The following RTF1 variants were observed in gnomAD, a reference collection of about 807,000 sequenced individuals.
RTF1 encodes the protein RNA polymerase-associated protein RTF1 homolog.
Under a neutral mutation model 95.7 loss-of-function variants are expected in RTF1, and 10 were observed. The observed-to-expected ratio is 0.10, with a 90% confidence interval of 0.06 to 0.18. RTF1 has a LOEUF of 0.18. Among genes scored for constraint, RTF1 ranks in the 10% least tolerant of loss-of-function variants. The probability of loss-of-function intolerance (pLI) is 1.00; values close to 1 mark genes in which losing one functional copy is unlikely to be tolerated. For missense variants in RTF1, 458 were observed against 875.6 expected, an observed-to-expected ratio of 0.52 and a Z score of 6.02; for synonymous variants, 305 against 311.8, an observed-to-expected ratio of 0.98 and a Z score of 0.23.
intron 8 of RTF1, among the ~76,000 whole-genome samples, chr15:41,473,976 G>T (rs960158468): frequency 1.3e-5 from 2 of 152,022 alleles, no homozygotes; most frequent in Non-Finnish European, 2.9e-5. Context: ...GGCAGAGGTT[G>T]CAGTGAGCCA....
At chr15:41,421,484 T>C (rs2050600651) in intron 1 of RTF1, among the ~76,000 whole-genome samples, 1 of 151,014 alleles carries the variant, frequency 6.6e-6, no homozygotes, top group Admixed American at 6.6e-5. Context: ...AATTTAAAAA[T>C]TAGCTGGGCA....
Position 41,440,490 on chromosome 15 carries a change from C to CTT in RTF1, c.309+2076_309+2077dup, listed in dbSNP as rs1271679997. On this transcript the variant is annotated intron_variant, in intron 2 of 17. Transcript: ENST00000389629. ...AGGCGTGAGCCACCGCGCCTGGCCT[C>CTT]TTTTTTTTTTTTTTTTTTGAGACAG... 2.2e-3 allele frequency among the ~76,000 whole-genome samples: 256 copies of CTT among 117,918 alleles called. 1 individual carries two copies. Among genetic ancestry groups the CTT allele is most frequent in the African/African-American group, 2.6e-3 (83 of 31,690 alleles). The allele number at this position is 117,918 out of a possible 152,430, so 77.4% of individuals were successfully genotyped here.
At chr15:41,464,739 T>G (rs1388380497) in intron 4 of RTF1, 32 bp from the exon 5 acceptor site, 1 of 1,493,072 alleles carries the variant, frequency 6.7e-7, no homozygotes, top group South Asian at 1.2e-5. Context: ...TACATTTCAT[T>G]GCTACTTAAA....
intron 16 of RTF1, 37 bp downstream of exon 16, chr15:41,479,235 G>A (rs1458124503): frequency 3.5e-6 from 5 of 1,425,006 alleles, no homozygotes; most frequent in Non-Finnish European, 4.9e-6. Context: ...GCTGAGTGAG[G>A]CTGCTGGCTG....
At chr15:41,460,862 T>C (rs2050844252) in intron 4 of RTF1, among the ~76,000 whole-genome samples, 1 of 151,040 alleles carries the variant, frequency 6.6e-6, no homozygotes, top group Non-Finnish European at 1.5e-5. Context: ...GCCTGGCTAA[T>C]ATTTTTTCTT....
rs374228375 is a variant in RTF1 at position 41,417,682 on chromosome 15, G to A, written c.198+369G>A. Reference sequence around the variant, plus strand: ...TAGGAAGTATCGCCCGCCAACCTGGGAGGCTGGGAGGTTTTGGAGGAGGTG... The same window carrying A: ...TAGGAAGTATCGCCCGCCAACCTGGAAGGCTGGGAGGTTTTGGAGGAGGTG... On this transcript the variant is annotated intron_variant, in intron 1 of 17. Transcript: ENST00000389629. Among the ~76,000 whole-genome samples the A allele has an allele frequency of 2.3e-4, 35 of 152,368 alleles. 1 individual carries two copies. In the East Asian group the frequency reaches 2.3e-3, roughly 10 times the overall value.
intron 3 of RTF1, among the ~76,000 whole-genome samples, chr15:41,455,778 A>G (rs74401393): frequency 7.0e-4 from 100 of 142,522 alleles, no homozygotes; most frequent in Middle Eastern, 3.5e-3. Context: ...CTCTGTCTCC[A>G]AAAAAAAAAA....
rs1566851890 is a variant in RTF1, at chr15:41,481,472, A to T, written c.*785A>T. ...ACAGGCCTGACTGCTGTAGCTGTGTAACTTCCCCATTCCCACCTACTCTTC... is the reference window on the plus strand; with the variant it reads ...ACAGGCCTGACTGCTGTAGCTGTGTTACTTCCCCATTCCCACCTACTCTTC... On this transcript the variant is annotated 3_prime_UTR_variant, in exon 18 of 18. Coordinates refer to ENST00000389629, the MANE Select transcript of RTF1 (RefSeq NM_015138.5). 6.6e-6 allele frequency: 1 copy of T among 152,586 alleles called. No individual in the cohort carries two copies. The highest frequency in any genetic ancestry group is 2.4e-5 in the African/African-American group (1 of 41,420). The allele number at this position is 152,586 out of a possible 1,614,324, so 9.5% of individuals were successfully genotyped here.
At chr15:41,433,937 C>G (rs2050688777) in intron 1 of RTF1, among the ~76,000 whole-genome samples, 2 of 151,250 alleles carry the variant, frequency 1.3e-5, no homozygotes, top group South Asian at 4.2e-4. Flanking sequence ...CCTCTGCCTC[C>G]CAGGTTCAAG....
At chr15:41,460,117 TTTTG>T (rs1306937670) in intron 4 of RTF1, among the ~76,000 whole-genome samples, 31,600 of 111,510 alleles carry the variant, frequency 0.28, 3,572 homozygotes, top group African/African-American at 0.33. Context: ...TTGTTTTTGT[TTTTG>T]TTTTTTTTTT....
rs1002289030 is a variant in RTF1, at chr15:41,438,549, T to G, written c.309+118T>G. 4 of 605,126 alleles carry G rather than the reference T, an allele frequency of 6.6e-6. No homozygotes were observed. In the African/African-American group the frequency reaches 7.4e-5, roughly 11 times the overall value. The allele number at this position is 605,126 out of a possible 1,614,324, so 37.5% of individuals were successfully genotyped here. ...ACTTACAGCCTAAGATCTACAAGAA[T>G]TTATTGGGGAAAGAAAATGGTGTAA... is the stretch of plus-strand genomic sequence containing the variant. On this transcript the variant is annotated intron_variant, in intron 2 of 17. Coordinates refer to ENST00000389629, the MANE Select transcript of RTF1 (RefSeq NM_015138.5).
At chr15:41,480,026 G>A (rs956708848) in intron 16 of RTF1, among the ~76,000 whole-genome samples, 188 bp from the exon 17 acceptor site, 3 of 152,090 alleles carry the variant, frequency 2.0e-5, no homozygotes, top group African/African-American at 7.2e-5. Flanking sequence ...CCTCTTCTCT[G>A]TGCTTGTAGC....
chr15:41,478,309 G>A (rs1037033414), intron 14 of RTF1, among the ~76,000 whole-genome samples: 2 of 151,448 alleles, frequency 1.3e-5, no homozygotes, highest in Non-Finnish European at 2.9e-5. Flanking sequence ...GCTGAGGCAG[G>A]AGAATCACTT....
intron 2 of RTF1, among the ~76,000 whole-genome samples, chr15:41,442,518 A>G (rs1301685562): frequency 1.3e-5 from 2 of 151,846 alleles, no homozygotes; most frequent in Admixed American, 6.6e-5. Context: ...GTAGTTTGCT[A>G]TGTCTTCTCG....
At chr15:41,422,807 G>A (rs1242267817) in intron 1 of RTF1, among the ~76,000 whole-genome samples, 4 of 152,008 alleles carry the variant, frequency 2.6e-5, no homozygotes, top group Admixed American at 6.6e-5. Flanking sequence ...ACGGAGTCTC[G>A]CTCTGTCACC....
intron 1 of RTF1, among the ~76,000 whole-genome samples, chr15:41,419,426 A>T (rs532951334): frequency 6.6e-6 from 1 of 152,330 alleles, no homozygotes; most frequent in South Asian, 2.1e-4. Context: ...TAGCATTGGG[A>T]TTTGAACCCA....
At chr15:41,477,429 G>A in intron 13 of RTF1, 29 bp from the exon 14 acceptor site, 1 of 1,613,924 alleles carries the variant, frequency 6.2e-7, no homozygotes, top group Non-Finnish European at 8.5e-7. Context: ...TTGTTTCACA[G>A]CCACTGACTC....
At chr15:41,472,842 C>T (rs1395914110) in intron 8 of RTF1, among the ~76,000 whole-genome samples, 1 of 151,938 alleles carries the variant, frequency 6.6e-6, no homozygotes, top group Non-Finnish European at 1.5e-5. Flanking sequence ...GCTGGGACTA[C>T]AGGCGCCCGC....
intron 2 of RTF1, among the ~76,000 whole-genome samples, chr15:41,449,500 A>T (rs1367969124): frequency 6.6e-6 from 1 of 151,964 alleles, no homozygotes; most frequent in African/African-American, 2.4e-5. Flanking sequence ...GTGATTTTTT[A>T]AATTAAAAAA....
Sources: allele counts gnomAD v4.1 joint callset (sites outside exome capture counted in the v4.1 genomes callset), GRCh38; gene constraint gnomAD v4.1.1; transcripts MANE v1.5; gene names NCBI Gene and HGNC (gene_info 2026-07-23, HGNC 2026-07-21).